SNTB1: variants seen among roughly 807,000 people sequenced by gnomAD.
The protein encoded by SNTB1 is beta-1-syntrophin.
SNTB1 carries 36 observed loss-of-function variants against 48.9 expected under a neutral mutation model. The ratio of observed to expected loss-of-function variants is 0.74; its 90% CI spans 0.56 to 0.97. SNTB1 has a LOEUF of 0.97. Among genes scored for constraint, SNTB1 ranks in the 50% least tolerant of loss-of-function variants. SNTB1 has a pLI of 0.00. For synonymous variants in SNTB1, 299 were observed against 294.6 expected (o/e 1.01, Z -0.15); for missense variants, 786 against 703.4 (o/e 1.12, Z -1.33).
intron 1 of SNTB1, among the ~76,000 whole-genome samples, chr8:120,797,699 G>A (rs952392250): frequency 6.6e-6 from 1 of 151,732 alleles, no homozygotes; most frequent in Non-Finnish European, 1.5e-5. Context: ...TCAAGTGGAG[G>A]AAGACAAACA....
chr8:120,699,530 TA>T (rs1032605233), intron 1 of SNTB1, among the ~76,000 whole-genome samples: 6 of 152,092 alleles, frequency 3.9e-5, no homozygotes, highest in African/African-American at 1.2e-4. Context: ...CCACCATGAG[TA>T]AAAGCTCCCT....
At chr8:120,632,824 G>A (rs147034652) in intron 2 of SNTB1, among the ~76,000 whole-genome samples, 173 bp from the exon 3 acceptor site, 39 of 152,256 alleles carry the variant, frequency 2.6e-4, no homozygotes, top group African/African-American at 8.9e-4. Flanking sequence ...ATTCATCCAC[G>A]CATATTTACT....
intron 1 of SNTB1, among the ~76,000 whole-genome samples, chr8:120,781,098 G>T (rs1303549634): frequency 1.3e-5 from 2 of 152,196 alleles, no homozygotes; most frequent in African/African-American, 4.8e-5. Flanking sequence ...GACTCCAAAA[G>T]AGGTCTGTGG....
intron 2 of SNTB1, among the ~76,000 whole-genome samples, chr8:120,689,214 C>T (rs149250013): frequency 7.2e-5 from 11 of 152,288 alleles, no homozygotes; most frequent in African/African-American, 2.4e-4. Flanking sequence ...ATGCAGACTA[C>T]AGGCACCTGT....
chr8:120,608,414 T>A (rs914620677), intron 3 of SNTB1, among the ~76,000 whole-genome samples: 4 of 152,148 alleles, frequency 2.6e-5, no homozygotes, highest in African/African-American at 9.7e-5. Context: ...AATAAAGTCA[T>A]ATGTTTGGGC....
intron 3 of SNTB1, among the ~76,000 whole-genome samples, chr8:120,581,837 C>A (rs977595995): frequency 1.3e-5 from 2 of 151,442 alleles, no homozygotes; most frequent in Non-Finnish European, 2.9e-5. Flanking sequence ...CTCACTGCAA[C>A]CTTTGCCAGC....
chr8:120,722,903 T>G (rs60204620), intron 1 of SNTB1, among the ~76,000 whole-genome samples: 4,118 of 152,318 alleles, frequency 0.027, 171 homozygotes, highest in African/African-American at 0.092. Flanking sequence ...TTAATCCATC[T>G]TGAATTAATT....
chr8:120,606,241 TATA>T (rs1311190366), intron 3 of SNTB1, among the ~76,000 whole-genome samples: 4 of 147,396 alleles, frequency 2.7e-5, no homozygotes, highest in Non-Finnish European at 6.0e-5. Context: ...TTATATATAA[TATA>T]ATAATATATA....
Position 120,811,655 on chromosome 8 carries a change from G to A in SNTB1, c.189C>T (p.Ala63=). 1 of 1,593,662 alleles carries A rather than the reference G, an allele frequency of 6.3e-7. No homozygotes were observed. Among genetic ancestry groups the A allele is most frequent in the Non-Finnish European group, 8.5e-7 (1 of 1,173,578 alleles). ...GAAAYNGIGT[A]TNGSFCRGAG... is the part of the protein sequence containing the mutation. Reference sequence around the variant, plus strand: ...CGCCCCTGCAGAACGAGCCATTGGTGGCGGTCCCGATGCCGTTGTACGCCG... The same window carrying A: ...CGCCCCTGCAGAACGAGCCATTGGTAGCGGTCCCGATGCCGTTGTACGCCG... The change falls in exon 1 of 7, where the codon GCC becomes GCT. Residue 63 remains alanine, a synonymous_variant. Transcript: ENST00000517992.
intron 1 of SNTB1, among the ~76,000 whole-genome samples, chr8:120,801,315 T>C (rs1820222183): frequency 2.0e-5 from 3 of 152,106 alleles, no homozygotes. Context: ...TCACCTCTTC[T>C]GTGAAACATT....
At chr8:120,639,696 T>C (rs1223289615) in intron 2 of SNTB1, among the ~76,000 whole-genome samples, 1 of 152,110 alleles carries the variant, frequency 6.6e-6, no homozygotes, top group East Asian at 1.9e-4. Context: ...TGTAGATGTG[T>C]GGTATTATTT....
chr8:120,762,552 G>T (rs1819439876), intron 1 of SNTB1, among the ~76,000 whole-genome samples: 1 of 152,122 alleles, frequency 6.6e-6, no homozygotes, highest in Non-Finnish European at 1.5e-5. Flanking sequence ...CCTTGATTTT[G>T]CAATCCAGCT....
At chr8:120,711,718 G>C (rs867122486) in intron 1 of SNTB1, among the ~76,000 whole-genome samples, 1 of 152,032 alleles carries the variant, frequency 6.6e-6, no homozygotes, top group Middle Eastern at 3.2e-3. Flanking sequence ...AGTCATGCAG[G>C]ATTTCTGATT....
intron 1 of SNTB1, among the ~76,000 whole-genome samples, chr8:120,755,142 TTGTG>T (rs71308607): frequency 0.013 from 752 of 59,712 alleles, 3 homozygotes; most frequent in Middle Eastern, 0.044. Context: ...TGCTGTGGTG[TTGTG>T]TGTGTGTGTG....
intron 3 of SNTB1, among the ~76,000 whole-genome samples, chr8:120,618,586 A>G (rs1255027265): frequency 6.6e-6 from 1 of 152,220 alleles, no homozygotes; most frequent in Non-Finnish European, 1.5e-5. Flanking sequence ...TGTTTATCAA[A>G]TGGATAAGAA....
intron 1 of SNTB1, among the ~76,000 whole-genome samples, chr8:120,743,041 T>C (rs1819067165): frequency 6.6e-6 from 1 of 152,152 alleles, no homozygotes; most frequent in African/African-American, 2.4e-5. Flanking sequence ...TAAAGTGAGG[T>C]AGGAGTCTAC....
At chr8:120,550,504 T>C (rs1266119971) in intron 4 of SNTB1, among the ~76,000 whole-genome samples, 1 of 145,522 alleles carries the variant, frequency 6.9e-6, no homozygotes, top group Non-Finnish European at 1.5e-5. Context: ...ATTGCACCAC[T>C]GCACTCCAGC....
At chr8:120,612,626 T>C (rs1563831531) in intron 3 of SNTB1, among the ~76,000 whole-genome samples, 1 of 152,192 alleles carries the variant, frequency 6.6e-6, no homozygotes, top group Non-Finnish European at 1.5e-5. Flanking sequence ...CGATCTCAAC[T>C]CACTGCAACC....
In SNTB1 at chr8:120,786,928, A is replaced by G. The variant is rs193075241; in HGVS notation, c.571+24345T>C. Among the ~76,000 whole-genome samples the G allele has an allele frequency of 2.4e-3, 358 of 152,284 alleles. 1 individual carries two copies. The highest frequency in any genetic ancestry group is 8.2e-3 in the African/African-American group (341 of 41,556). On this transcript the variant is annotated intron_variant, in intron 1 of 6. Transcript: ENST00000517992. Reference sequence around the variant, plus strand: ...CCTGAAGCCTGAACTGTTCAACCCAATGAAGAAAGTACTAGGGAAAAAACG... The same window carrying G: ...CCTGAAGCCTGAACTGTTCAACCCAGTGAAGAAAGTACTAGGGAAAAAACG...
Sources: allele counts gnomAD v4.1 joint callset (sites outside exome capture counted in the v4.1 genomes callset), GRCh38; gene constraint gnomAD v4.1.1; transcripts MANE v1.5; gene names NCBI Gene and HGNC (gene_info 2026-07-23, HGNC 2026-07-21).